The following PREX2 variants were observed in gnomAD, a reference collection of about 807,000 sequenced individuals.
PREX2 encodes the protein phosphatidylinositol-3,4,5-trisphosphate dependent Rac exchange factor 2.
PREX2 carries 107 observed loss-of-function variants against 203.2 expected under a neutral mutation model. That is an observed-to-expected ratio of 0.53 (90% CI 0.45 to 0.62). The LOEUF (loss-of-function observed/expected upper bound fraction) is 0.62. Ranked by LOEUF, PREX2 falls within the 20% of genes least tolerant of loss-of-function variation. The probability of loss-of-function intolerance (pLI) is 0.00; values close to 1 mark genes in which losing one functional copy is unlikely to be tolerated. For synonymous variants in PREX2, 672 were observed against 663.6 expected (o/e 1.01, Z -0.19); for missense variants, 1,777 against 1,955.9 (o/e 0.91, Z 1.72).
intron 24 of PREX2, chr8:68,108,940 C>T: frequency 1.4e-5 from 5 of 352,082 alleles, no homozygotes; most frequent in Non-Finnish European, 2.8e-5. Flanking sequence ...GTGAAATAAG[C>T]CAGACACAGA....
intron 14 of PREX2, 80 bp from the exon 15 acceptor site, chr8:68,077,317 C>T: frequency 2.1e-6 from 2 of 948,264 alleles, no homozygotes; most frequent in South Asian, 2.6e-5. Context: ...GAATTTGGTG[C>T]TGGGAATGTT....
chr8:68,105,468 A>G (rs189171002), intron 23 of PREX2: 5 of 1,153,798 alleles, frequency 4.3e-6, no homozygotes, highest in South Asian at 1.8e-5. Flanking sequence ...GTATTGAGCT[A>G]CAAGTTGGAA....
chr8:68,178,540 A>G (rs1812026140), intron 35 of PREX2, among the ~76,000 whole-genome samples: 1 of 151,730 alleles, frequency 6.6e-6, no homozygotes, highest in Non-Finnish European at 1.5e-5. Context: ...TAGATTGCAA[A>G]ATTTTTCTTC....
At chr8:68,154,390 A>C (rs1811500367) in intron 34 of PREX2, among the ~76,000 whole-genome samples, 1 of 152,230 alleles carries the variant, frequency 6.6e-6, no homozygotes, top group Non-Finnish European at 1.5e-5. Flanking sequence ...TTATGTTGCA[A>C]GTCAAAAATG....
At chr8:68,049,931 GA>G (rs879799214) in intron 8 of PREX2, among the ~76,000 whole-genome samples, 4 of 151,572 alleles carry the variant, frequency 2.6e-5, no homozygotes, top group Non-Finnish European at 4.4e-5. Context: ...TGTATCTTTT[GA>G]AAAAAATGAG....
At position 68,161,853 on chromosome 8, in the gene PREX2, A is replaced by C. The variant is rs926754226; in HGVS notation, c.4346+4417A>C. On this transcript the variant is annotated intron_variant, in intron 35 of 39. Coordinates refer to ENST00000288368, the MANE Select transcript of PREX2 (RefSeq NM_024870.4). ...TTGTTCTCATACTGCTAATAAAGAC[A>C]TACCCAGGACTGGGTAATTATAAAG... Among the ~76,000 whole-genome samples, 48 of 152,208 alleles carry C rather than the reference A, an allele frequency of 3.2e-4. 1 individual carries two copies. The highest frequency in any genetic ancestry group is 4.9e-4 in the Non-Finnish European group (33 of 68,034).
Position 68,118,565 on chromosome 8 carries a change from T to C in PREX2, c.3342T>C (p.Asn1114=), listed in dbSNP as rs993078880. The C allele has an allele frequency of 3.1e-6, 5 of 1,613,784 alleles. No individual in the cohort carries two copies. Among genetic ancestry groups the C allele is most frequent in the South Asian group, 1.1e-5 (1 of 91,068 alleles). The change falls in exon 27 of 40, where the codon AAT becomes AAC. Residue 1114 remains asparagine, a synonymous_variant. Coordinates refer to ENST00000288368, the MANE Select transcript of PREX2 (RefSeq NM_024870.4). Reference sequence around the variant, plus strand: ...TTGTTTTCAGTGACTGCAACAGCAATAGGAATTCCATCGCCTCCTTCACCA... The same window carrying C: ...TTGTTTTCAGTGACTGCAACAGCAACAGGAATTCCATCGCCTCCTTCACCA... ...NRDSYSDCNS[N]RNSIASFTSI... is the part of the protein sequence containing the mutation.
intron 1 of PREX2, chr8:67,952,743 T>TC: frequency 1.4e-6 from 1 of 691,006 alleles, no homozygotes; most frequent in Non-Finnish European, 2.5e-6. Context: ...ACTCACTGAG[T>TC]TGCGGGGGCC....
At position 67,970,670 on chromosome 8, in the gene PREX2, G is replaced by T. The variant is rs1171445119; in HGVS notation, c.141+18135G>T. Among the ~76,000 whole-genome samples the T allele has an allele frequency of 3.3e-5, 5 of 152,262 alleles. No homozygotes were observed. The East Asian group carries it at 7.7e-4, about 24-fold the overall frequency. ...AAGAGGTAATCCTCTTTCAACTTCA[G>T]AGTAAGAAATATGAAATAAATCAGG... On this transcript the variant is annotated intron_variant, in intron 1 of 39. Transcript: ENST00000288368.
At chr8:68,094,933 T>A (rs930182699) in intron 21 of PREX2, 1 of 152,230 alleles carries the variant, frequency 6.6e-6, no homozygotes, top group Non-Finnish European at 1.5e-5. Context: ...GGTTCCCACA[T>A]CCCTTCCTTG....
chr8:68,149,816 A>G (rs1811399154), intron 34 of PREX2, among the ~76,000 whole-genome samples: 1 of 152,214 alleles, frequency 6.6e-6, no homozygotes, highest in African/African-American at 2.4e-5. Context: ...GTGATTCTGG[A>G]GTCCACCAAA....
chr8:68,129,776 C>T (rs1810964761), intron 31 of PREX2, among the ~76,000 whole-genome samples: 1 of 151,820 alleles, frequency 6.6e-6, no homozygotes, highest in Non-Finnish European at 1.5e-5. Flanking sequence ...GAAACCGAAG[C>T]CTTTGATAGG....
At chr8:68,163,203 G>A (rs1811687709) in intron 35 of PREX2, among the ~76,000 whole-genome samples, 1 of 152,098 alleles carries the variant, frequency 6.6e-6, no homozygotes, top group Admixed American at 6.6e-5. Flanking sequence ...AGATCTTATA[G>A]GTTTAGTTTT....
intron 37 of PREX2, among the ~76,000 whole-genome samples, chr8:68,204,806 C>T (rs982522437): frequency 3.3e-5 from 5 of 151,328 alleles, no homozygotes; most frequent in Admixed American, 6.6e-5. Flanking sequence ...CTCAGCCTCC[C>T]GAGTAGCTGG....
At chr8:68,106,051 A>G (rs1810404082) in intron 23 of PREX2, 1 of 218,410 alleles carries the variant, frequency 4.6e-6, no homozygotes, top group Non-Finnish European at 9.1e-6. Flanking sequence ...CTAGACCATG[A>G]ACTCCAGGAG....
intron 20 of PREX2, among the ~76,000 whole-genome samples, chr8:68,093,390 CAAAAAAAAAAA>C (rs56001927): frequency 2.5e-5 from 2 of 81,500 alleles, no homozygotes; most frequent in Non-Finnish European, 4.9e-5. Flanking sequence ...AACTCCATCT[CAAAAAAAAAAA>C]AAAAAAAAAA....
intron 4 of PREX2, among the ~76,000 whole-genome samples, chr8:68,023,131 T>C (rs1159830560): frequency 6.6e-6 from 1 of 152,184 alleles, no homozygotes; most frequent in Non-Finnish European, 1.5e-5. Context: ...GTTTTTATTC[T>C]TTTGGGTAGA....
At chr8:68,167,848 A>G (rs1189490944) in intron 35 of PREX2, among the ~76,000 whole-genome samples, 3 of 152,178 alleles carry the variant, frequency 2.0e-5, no homozygotes, top group Admixed American at 1.3e-4. Flanking sequence ...TCTACTGTGC[A>G]CCCCAAATTG....
intron 37 of PREX2, among the ~76,000 whole-genome samples, chr8:68,211,336 C>G (rs1440834718): frequency 6.6e-6 from 1 of 152,106 alleles, no homozygotes. Flanking sequence ...TAATTTACTC[C>G]AGGTTTACTT....
Sources: gnomAD v4.1 joint callset for allele counts (sites outside exome capture counted in the v4.1 genomes callset) on GRCh38, gnomAD v4.1.1 for gene constraint, MANE v1.5 for transcripts, NCBI Gene and HGNC (gene_info 2026-07-23, HGNC 2026-07-21) for gene names.